The following UNKL variants were observed in gnomAD, a reference collection of about 807,000 sequenced individuals.
The protein encoded by UNKL is putative E3 ubiquitin-protein ligase UNKL.
Under a neutral mutation model 78.0 loss-of-function variants are expected in UNKL, and 60 were observed. The ratio of observed to expected loss-of-function variants is 0.77; its 90% CI spans 0.63 to 0.95. UNKL has a LOEUF of 0.95. UNKL is among the 40% of genes least tolerant of loss of function. The pLI, the probability that UNKL is intolerant of heterozygous loss-of-function variation, is 0.00. For missense variants in UNKL, 1,159 were observed against 1,045.7 expected (o/e 1.11, Z -1.49); for synonymous variants, 608 against 474.8 (o/e 1.28, Z -3.65).
chr16:1,370,279 G>A lies in UNKL; in HGVS notation c.1436C>T (p.Ser479Phe). 4.6e-6 allele frequency: 7 copies of A among 1,534,464 alleles called. No homozygotes were observed. The highest frequency in any genetic ancestry group is 6.1e-6 in the Non-Finnish European group (7 of 1,145,246). ...LPRAPSLHSPSSASTSPLGSL... is the reference protein window; with the variant it reads ...LPRAPSLHSPFSASTSPLGSL... ...ACCGAGCGGCGAGGTGGACGCAGAGGATGGCGAGTGTAGCGATGGTGCTCT... is the reference window on the plus strand; with the variant it reads ...ACCGAGCGGCGAGGTGGACGCAGAGAATGGCGAGTGTAGCGATGGTGCTCT... Residue 479 changes from serine to phenylalanine, a missense_variant, in exon 12 of 15, where the codon TCC becomes TTC. Coordinates refer to ENST00000389221, the MANE Select transcript of UNKL (RefSeq NM_001372107.1).
rs56093103 is a variant in UNKL, at chr16:1,400,417, CAAAAAAAAAAAAAAAAAAAAAAAA to C, written c.599-932_599-909del. ...TGGGTGACAGAGCGAGACTCCATCT[CAAAAAAAAAAAAAAAAAAAAAAAA>C]AAAAAAAAAAAAAATCGCTGCCATA... On this transcript the variant is annotated intron_variant, in intron 4 of 14. Transcript: ENST00000389221. 4.2e-4 allele frequency among the ~76,000 whole-genome samples: 13 copies of C among 30,758 alleles called. 1 individual carries two copies. The Admixed American group carries it at 5.7e-3, about 13-fold the overall frequency. 20.2% of individuals were successfully genotyped at this position (30,758 alleles called of 152,430 possible).
chr16:1,398,695 C>CT, intron 5 of UNKL: 1 of 1,226,980 alleles, frequency 8.2e-7, no homozygotes, highest in Non-Finnish European at 1.0e-6. Context: ...CCCCACCCCC[C>CT]TCTCAGGTGC....
chr16:1,380,422 C>T (rs1045958186), intron 10 of UNKL, among the ~76,000 whole-genome samples: 1 of 152,166 alleles, frequency 6.6e-6, no homozygotes, highest in South Asian at 2.1e-4. Flanking sequence ...AGTCCCTGAG[C>T]CTGGGGCGCA....
At chr16:1,369,910 G>T in intron 12 of UNKL, 1 of 1,533,618 alleles carries the variant, frequency 6.5e-7, no homozygotes, top group African/African-American at 1.4e-5. Flanking sequence ...GGGAGGCGGA[G>T]GTTGCGGCGA....
Position 1,363,322 on chromosome 16 carries a change from T to A in UNKL, c.*2918A>T. ...TTAAACAAGTGTTAACTTTAAACAG[T>A]TCGCTACAAGTAAATGATTATAAAT... On this transcript the variant is annotated 3_prime_UTR_variant, in exon 15 of 15. Coordinates refer to ENST00000389221, the MANE Select transcript of UNKL (RefSeq NM_001372107.1). The A allele has an allele frequency of 1.8e-6, 1 of 543,528 alleles. No individual in the cohort carries two copies. Among genetic ancestry groups the A allele is most frequent in the South Asian group, 2.0e-5 (1 of 49,544 alleles). 33.7% of individuals were successfully genotyped at this position (543,528 alleles called of 1,614,324 possible).
intron 2 of UNKL, among the ~76,000 whole-genome samples, chr16:1,406,409 C>T (rs1049857221): frequency 6.6e-5 from 10 of 152,204 alleles, no homozygotes; most frequent in African/African-American, 2.2e-4. Flanking sequence ...GACAGGGTTT[C>T]ACCATGTTGA....
chr16:1,393,994 G>T, intron 7 of UNKL, 137 bp downstream of exon 7: 1 of 850,792 alleles, frequency 1.2e-6, no homozygotes, highest in Non-Finnish European at 1.8e-6. Flanking sequence ...GGGACCCCCA[G>T]CCCCCAACCA....
chr16:1,367,779 G>T lies in UNKL; in HGVS notation c.1665C>A (p.Ala555=). ...FSPSPSPILS[A]GPPSSSSASP... ...TTGCACTCGAAGAGGATGGGGGGCCGGCACTCAGGATGGGGGAGGGGCTGG... is the reference window on the plus strand; with the variant it reads ...TTGCACTCGAAGAGGATGGGGGGCCTGCACTCAGGATGGGGGAGGGGCTGG... The change falls in exon 13 of 15, where the codon GCC becomes GCA. Residue 555 remains alanine, a synonymous_variant. Transcript: ENST00000389221. The T allele has an allele frequency of 6.4e-7, 1 of 1,573,294 alleles. No individual in the cohort carries two copies. Among genetic ancestry groups the T allele is most frequent in the Non-Finnish European group, 8.6e-7 (1 of 1,159,880 alleles).
chr16:1,410,943 C>T (rs975965582), intron 2 of UNKL, among the ~76,000 whole-genome samples: 6 of 152,180 alleles, frequency 3.9e-5, no homozygotes, highest in African/African-American at 1.2e-4. Context: ...GCCTTAACAA[C>T]ACTATGGCCG....
rs148086372 is a variant in UNKL at position 1,395,098 on chromosome 16, A to G, written c.853-883T>C. Among the ~76,000 whole-genome samples, 124 of 150,214 alleles carry G rather than the reference A, an allele frequency of 8.3e-4. 3 individuals carry two copies. The East Asian group carries it at 0.023, about 28-fold the overall frequency. ...TCGCCATGTTGGCCAGGCTGGTCTCAAACTCCTGACCTCGGCCCCACAAAG... is the reference window on the plus strand; with the variant it reads ...TCGCCATGTTGGCCAGGCTGGTCTCGAACTCCTGACCTCGGCCCCACAAAG... On this transcript the variant is annotated intron_variant, in intron 6 of 14. Coordinates refer to ENST00000389221, the MANE Select transcript of UNKL (RefSeq NM_001372107.1).
rs891062257 is a variant in UNKL, at chr16:1,363,508, C to T, written c.*2732G>A. 3 of 270,312 alleles carry T rather than the reference C, an allele frequency of 1.1e-5. No individual in the cohort carries two copies. Among genetic ancestry groups the T allele is most frequent in the South Asian group, 3.4e-5 (1 of 29,242 alleles). 16.7% of individuals were successfully genotyped at this position (270,312 alleles called of 1,614,324 possible). A position where few individuals can be genotyped will look rare whatever the true frequency, so the allele number is the denominator to read the frequency against. On this transcript the variant is annotated 3_prime_UTR_variant, in exon 15 of 15. Coordinates refer to ENST00000389221, the MANE Select transcript of UNKL (RefSeq NM_001372107.1). ...ACGTCGTGACACCACTGTATCACGG[C>T]GAATGTCGAACACTAGAGTTACAGA...
chr16:1,405,919 G>C (rs772317832), intron 2 of UNKL: 2 of 456,380 alleles, frequency 4.4e-6, no homozygotes, highest in African/African-American at 4.0e-5. Flanking sequence ...AACCCAAGGA[G>C]GGTCCACCAG....
chr16:1,395,445 C>T (rs1224636910), intron 6 of UNKL, among the ~76,000 whole-genome samples: 3 of 152,146 alleles, frequency 2.0e-5, no homozygotes, highest in East Asian at 1.9e-4. Context: ...GGATTACAGG[C>T]GTGAGCCACT....
chr16:1,375,556 C>T (rs865921285), intron 10 of UNKL, among the ~76,000 whole-genome samples: 10 of 152,252 alleles, frequency 6.6e-5, no homozygotes, highest in South Asian at 4.1e-4. Context: ...GCGTCCGGGA[C>T]GGCACACGGC....
chr16:1,396,921 C>CT (rs911755006), intron 6 of UNKL: 2 of 507,982 alleles, frequency 3.9e-6, no homozygotes, highest in Middle Eastern at 5.2e-4. Context: ...TTTCTCTCTG[C>CT]TTTTTTCCCA....
intron 12 of UNKL, chr16:1,369,916 G>C (rs750727219): frequency 1.3e-6 from 2 of 1,537,232 alleles, no homozygotes; most frequent in Middle Eastern, 1.7e-4. Context: ...CGGAGGTTGC[G>C]GCGAGCCGAG....
At chr16:1,374,918 TGAA>T (rs771476448) in intron 10 of UNKL, among the ~76,000 whole-genome samples, 22 of 152,242 alleles carry the variant, frequency 1.4e-4, no homozygotes, top group Non-Finnish European at 2.6e-4. Context: ...GGGTGACTTC[TGAA>T]GAAGAACGCT....
Position 1,385,194 on chromosome 16 carries a change from G to A in UNKL, c.1264+14C>T, listed in dbSNP as rs1037275636. The A allele has an allele frequency of 3.9e-5, 49 of 1,249,676 alleles. 1 individual carries two copies. Among genetic ancestry groups the A allele is most frequent in the East Asian group, 1.9e-4 (6 of 31,530 alleles). 77.4% of individuals were successfully genotyped at this position (1,249,676 alleles called of 1,614,324 possible). ...AAGGAGGTCAGGGAGAAAGGAGGAC[G>A]GTGCTGGACTTACCGAGGACGGCCT... On this transcript the variant is annotated intron_variant, in intron 10 of 14. Transcript: ENST00000389221.
Position 1,367,712 on chromosome 16 carries a change from C to T in UNKL, c.1732G>A (p.Asp578Asn). 2 of 1,581,206 alleles carry T rather than the reference C, an allele frequency of 1.3e-6. No homozygotes were observed. The highest frequency in any genetic ancestry group is 1.7e-6 in the Non-Finnish European group (2 of 1,164,448). The change falls in exon 13 of 15, where the codon GAC (aspartate) becomes AAC (asparagine). Residue 578 changes from aspartate to asparagine, a missense_variant. Asp to Asn is a conservative substitution (Grantham distance 23). Coordinates refer to ENST00000389221, the MANE Select transcript of UNKL (RefSeq NM_001372107.1). ...AELARVRRQL[D>N]EAKRKIRQWE... is the part of the protein sequence containing the mutation. ...TGCCGGATCTTCCTCTTGGCCTCGT[C>T]CAGCTGCCGCCTGACCCGGGCCAGC...
Sources: gnomAD v4.1 joint callset for allele counts (sites outside exome capture counted in the v4.1 genomes callset) on GRCh38, gnomAD v4.1.1 for gene constraint, MANE v1.5 for transcripts, NCBI Gene and HGNC (gene_info 2026-07-23, HGNC 2026-07-21) for gene names.